The following FLNB variants were observed in gnomAD, a reference collection of about 807,000 sequenced individuals.
FLNB encodes filamin B, also known as filamin-B.
In FLNB, 111 loss-of-function variants were observed where a neutral mutation model predicts 250.6. The observed-to-expected ratio is 0.44, with a 90% confidence interval of 0.38 to 0.52. The LOEUF (loss-of-function observed/expected upper bound fraction) is 0.52. Among genes scored for constraint, FLNB ranks in the 20% least tolerant of loss-of-function variants. FLNB has a pLI of 0.00. For synonymous variants in FLNB, 1,302 were observed against 1,372.1 expected, an observed-to-expected ratio of 0.95 and a Z score of 1.13; for missense variants, 2,869 against 3,447.8, an observed-to-expected ratio of 0.83 and a Z score of 4.20.
At chr3:58,088,380 T>A (rs191896469) in intron 4 of FLNB, among the ~76,000 whole-genome samples, 21 of 152,258 alleles carry the variant, frequency 1.4e-4, no homozygotes, top group Admixed American at 1.2e-3. Context: ...AAAAGCTTTT[T>A]AAAAAGGTAA....
chr3:58,082,205 G>A lies in FLNB; in HGVS notation c.787+429G>A, dbSNP rs539240026. 9.2e-5 allele frequency among the ~76,000 whole-genome samples: 14 copies of A among 152,266 alleles called. No individual in the cohort carries two copies. In the South Asian group the frequency reaches 1.5e-3, roughly 16 times the overall value. ...GGAGTGGGAGCTATTGTTAACCCCT[G>A]GCAGATACTTCCTTGCTAAGACATC... is the stretch of plus-strand genomic sequence containing the variant. On this transcript the variant is annotated intron_variant, in intron 4 of 45. Transcript: ENST00000295956.
rs116074945 is a variant in FLNB at position 58,027,571 on chromosome 3, C to G, written c.292+18715C>G. Among the ~76,000 whole-genome samples the G allele has an allele frequency of 5.8e-3, 878 of 152,244 alleles. 8 individuals are homozygous for G. The highest frequency in any genetic ancestry group is 0.02 in the African/African-American group (828 of 41,542). On this transcript the variant is annotated intron_variant, in intron 1 of 45. Coordinates refer to ENST00000295956, the MANE Select transcript of FLNB (RefSeq NM_001457.4). ...TGCTGGGATTACAGGCATGAGCCAC[C>G]GCGCCTGGCCCAGACCCTGGCTCTT...
intron 1 of FLNB, among the ~76,000 whole-genome samples, chr3:58,076,729 G>A (rs1446377691): frequency 1.3e-5 from 2 of 151,832 alleles, no homozygotes; most frequent in African/African-American, 4.8e-5. Context: ...CAAAAGTGCT[G>A]GGGTTACAGG....
At chr3:58,009,309 G>A (rs977444024) in intron 1 of FLNB, among the ~76,000 whole-genome samples, 1 of 152,162 alleles carries the variant, frequency 6.6e-6, no homozygotes, top group East Asian at 1.9e-4. Flanking sequence ...CTCGGAGGCC[G>A]GGCCGTGAGA....
At chr3:58,161,873 G>A (rs997513749) in intron 42 of FLNB, among the ~76,000 whole-genome samples, 1 of 152,184 alleles carries the variant, frequency 6.6e-6, no homozygotes, top group African/African-American at 2.4e-5. Flanking sequence ...AGGATTCTTA[G>A]AAGTCGAGAG....
intron 25 of FLNB, chr3:58,132,564 G>A (rs912437189): frequency 2.7e-4 from 158 of 576,338 alleles, no homozygotes; most frequent in Non-Finnish European, 1.1e-4. Flanking sequence ...TATACTCTAG[G>A]GCAGACTGAG....
At chr3:58,054,115 A>G (rs2097166784) in intron 1 of FLNB, among the ~76,000 whole-genome samples, 1 of 152,148 alleles carries the variant, frequency 6.6e-6, no homozygotes, top group Admixed American at 6.5e-5. Context: ...TTGCCCACTC[A>G]CTGGCTCTGG....
intron 1 of FLNB, among the ~76,000 whole-genome samples, chr3:58,068,248 T>G (rs897658531): frequency 2.0e-5 from 3 of 152,230 alleles, no homozygotes; most frequent in Non-Finnish European, 4.4e-5. Context: ...CAGATAGGCA[T>G]CAGTTATCAG....
Position 58,142,574 on chromosome 3 carries a change from C to G in FLNB, c.5182-76C>G. 2 of 1,257,688 alleles carry G rather than the reference C, an allele frequency of 1.6e-6. No individual in the cohort carries two copies. The highest frequency in any genetic ancestry group is 2.3e-5 in the East Asian group (1 of 42,692). 77.9% of individuals were successfully genotyped at this position (1,257,688 alleles called of 1,614,324 possible). On this transcript the variant is annotated intron_variant, in intron 30 of 45. Coordinates refer to ENST00000295956, the MANE Select transcript of FLNB (RefSeq NM_001457.4). The surrounding 1 kb of genome is among the most constrained non-coding windows in gnomAD (Gnocchi z 4.3). ...CCTCACTGGCTTGTAGAATTCCCAG[C>G]AGCTCTAACCCCTGTAGCTTCACCA...
chr3:58,100,245 T>C (rs181806320), intron 8 of FLNB, among the ~76,000 whole-genome samples: 2 of 152,006 alleles, frequency 1.3e-5, no homozygotes, highest in Admixed American at 1.3e-4. Context: ...CTTTCCTCAC[T>C]CGTGGACTTC....
At chr3:58,111,617 C>A (rs1446059408) in intron 16 of FLNB, among the ~76,000 whole-genome samples, 174 bp from the exon 17 acceptor site, 1 of 152,184 alleles carries the variant, frequency 6.6e-6, no homozygotes, top group African/African-American at 2.4e-5. Context: ...AAGGCCCTTT[C>A]CCAATGCTGG....
chr3:58,097,010 C>T (rs928878072), intron 6 of FLNB, among the ~76,000 whole-genome samples: 1 of 150,942 alleles, frequency 6.6e-6, no homozygotes, highest in African/African-American at 2.4e-5. Context: ...GAGATGACAT[C>T]CAGGTGACCT....
At chr3:58,028,075 G>C (rs2097125869) in intron 1 of FLNB, among the ~76,000 whole-genome samples, 1 of 152,220 alleles carries the variant, frequency 6.6e-6, no homozygotes, top group African/African-American at 2.4e-5. Flanking sequence ...GAACTGGGAA[G>C]AGAATAACGT....
At chr3:58,108,216 G>A (rs894589441) in intron 12 of FLNB, among the ~76,000 whole-genome samples, 7 of 152,164 alleles carry the variant, frequency 4.6e-5, no homozygotes, top group East Asian at 1.9e-4. Context: ...GGCCGCATGC[G>A]GGCTTCAGGC....
In FLNB at chr3:58,123,242, T is replaced by C. The variant is rs1469552347; in HGVS notation, c.3276T>C (p.Asp1092=). The C allele has an allele frequency of 1.9e-6, 3 of 1,614,190 alleles. No homozygotes were observed. ...AAATCGAGTGCTCCGACAATGGTGA[T>C]GGGACCTGCTCCGTCTCTTACCTTC... is the stretch of plus-strand genomic sequence containing the variant. ...EAKIECSDNG[D]GTCSVSYLPT... Residue 1092 remains aspartate (D), a synonymous_variant, in exon 21 of 46, where the codon GAT becomes GAC. Coordinates refer to ENST00000295956, the MANE Select transcript of FLNB (RefSeq NM_001457.4).
intron 24 of FLNB, among the ~76,000 whole-genome samples, chr3:58,130,306 G>T (rs1293253207): frequency 6.6e-6 from 1 of 152,146 alleles, no homozygotes; most frequent in Admixed American, 6.5e-5. Context: ...ATGTGCTGAG[G>T]CCTCTCTACT....
chr3:58,169,870 C>A lies in FLNB; in HGVS notation c.7621+77C>A. ...ACCCTGGGTACACTGGCCTTCCCTG[C>A]TGAGGTCTCCTGCAGTGCCCACCCC... On this transcript the variant is annotated intron_variant, in intron 45 of 45. Coordinates refer to ENST00000295956, the MANE Select transcript of FLNB (RefSeq NM_001457.4). The surrounding 1 kb of genome is among the most constrained non-coding windows in gnomAD (Gnocchi z 4.8). 2 of 1,210,308 alleles carry A rather than the reference C, an allele frequency of 1.7e-6. No homozygotes were observed. The highest frequency in any genetic ancestry group is 2.4e-6 in the Non-Finnish European group (2 of 839,398). The allele number at this position is 1,210,308 out of a possible 1,614,324, so 75.0% of individuals were successfully genotyped here. A position where few individuals can be genotyped will look rare whatever the true frequency, so the allele number is the denominator to read the frequency against.
At chr3:58,134,594 G>A (rs1432230874) in intron 26 of FLNB, 22 bp from the exon 27 acceptor site, 2 of 1,600,314 alleles carry the variant, frequency 1.2e-6, no homozygotes, top group Admixed American at 3.3e-5. Context: ...TGACTAGGGT[G>A]TGTGTGTGTG....
rs17058910 is a variant in FLNB at position 58,145,475 on chromosome 3, A to G, written c.5426-446A>G. Among the ~76,000 whole-genome samples, 993 of 152,298 alleles carry G rather than the reference A, an allele frequency of 6.5e-3. 10 individuals carry two copies. The highest frequency in any genetic ancestry group is 0.023 in the African/African-American group (939 of 41,562). On this transcript the variant is annotated intron_variant, in intron 32 of 45. Coordinates refer to ENST00000295956, the MANE Select transcript of FLNB (RefSeq NM_001457.4). ...ACACTGCAGAAATGAAAGTGCTTAC[A>G]TAGGGCTAGGAGTCGGGGTGGGCAG...
Sources: gnomAD v4.1 joint callset for allele counts (sites outside exome capture counted in the v4.1 genomes callset) on GRCh38, gnomAD v4.1.1 for gene constraint, Gnocchi (gnomAD v3.1) non-coding constraint, MANE v1.5 for transcripts, NCBI Gene and HGNC (gene_info 2026-07-23, HGNC 2026-07-21) for gene names.